TBCK: variants seen among roughly 807,000 people sequenced by gnomAD.
The protein encoded by TBCK is TBC1 domain containing kinase, also known as TBC domain-containing protein kinase-like protein.
In TBCK, 99 loss-of-function variants were observed where a neutral mutation model predicts 113.4. The observed-to-expected ratio is 0.87, with a 90% CI of 0.74 to 1.03. TBCK has a LOEUF of 1.03. TBCK is among the 50% of genes least tolerant of loss of function. The pLI is 0.00. For synonymous variants in TBCK, 369 were observed against 370.8 expected (o/e 1.00, Z 0.05); for missense variants, 1,045 against 1,061.3 (o/e 0.98, Z 0.21).
intron 19 of TBCK, among the ~76,000 whole-genome samples, chr4:106,227,852 T>A (rs567965836): frequency 6.6e-6 from 1 of 150,938 alleles, no homozygotes; most frequent in South Asian, 2.1e-4. Context: ...TAAAACAGTA[T>A]AAAATGTCAC....
intron 2 of TBCK, among the ~76,000 whole-genome samples, chr4:106,300,658 T>C (rs985134936): frequency 6.6e-6 from 1 of 152,230 alleles, no homozygotes; most frequent in Non-Finnish European, 1.5e-5. Flanking sequence ...AGCTAGAATA[T>C]AGAATCCAGT....
chr4:106,102,467 G>C (rs376208800), intron 24 of TBCK, among the ~76,000 whole-genome samples: 1 of 152,070 alleles, frequency 6.6e-6, no homozygotes, highest in Non-Finnish European at 1.5e-5. Context: ...GTTCTGAAGG[G>C]GGCTTGGTGG....
intron 23 of TBCK, among the ~76,000 whole-genome samples, chr4:106,131,348 C>T (rs1306294369): frequency 1.3e-5 from 2 of 152,358 alleles, no homozygotes; most frequent in African/African-American, 4.8e-5. Flanking sequence ...CGCCGTGGCT[C>T]ATGCCTGTAA....
At position 106,268,831 on chromosome 4, in the gene TBCK, A is replaced by G. The variant is rs989339079; in HGVS notation, c.267-6619T>C. On this transcript the variant is annotated intron_variant, in intron 3 of 25. Coordinates refer to ENST00000394708, the MANE Select transcript of TBCK (RefSeq NM_001163435.3). ...AGATGTTACTCAAATTGCAAGAAATAGGGGCCAGGAAAGAGAATGAGAGGT... is the reference window on the plus strand; with the variant it reads ...AGATGTTACTCAAATTGCAAGAAATGGGGGCCAGGAAAGAGAATGAGAGGT... Among the ~76,000 whole-genome samples the G allele has an allele frequency of 3.3e-5, 5 of 152,242 alleles. No individual in the cohort carries two copies. The East Asian group carries it at 9.6e-4, about 29-fold the overall frequency.
chr4:106,127,799 T>G (rs1377507591), intron 23 of TBCK, among the ~76,000 whole-genome samples: 1 of 152,182 alleles, frequency 6.6e-6, no homozygotes, highest in Non-Finnish European at 1.5e-5. Context: ...AGCACAATTT[T>G]TTTCCAAACA....
At chr4:106,304,436 T>C (rs1182071587) in intron 2 of TBCK, among the ~76,000 whole-genome samples, 2 of 152,140 alleles carry the variant, frequency 1.3e-5, no homozygotes, top group East Asian at 1.9e-4. Flanking sequence ...AGACAACAGA[T>C]TGTACAAACA....
At chr4:106,098,473 G>A (rs2149524686) in intron 24 of TBCK, among the ~76,000 whole-genome samples, 1 of 152,074 alleles carries the variant, frequency 6.6e-6, no homozygotes, top group East Asian at 1.9e-4. Context: ...TTTTGGTTAG[G>A]TTTTGGCAAA....
intron 25 of TBCK, among the ~76,000 whole-genome samples, chr4:106,090,894 A>G (rs1740145987): frequency 6.6e-6 from 1 of 152,172 alleles, no homozygotes; most frequent in African/African-American, 2.4e-5. Context: ...TAACTATTTA[A>G]TCAGTCTCTA....
At chr4:106,264,568 T>C (rs1018829710) in intron 3 of TBCK, among the ~76,000 whole-genome samples, 9 of 151,972 alleles carry the variant, frequency 5.9e-5, no homozygotes, top group South Asian at 4.1e-4. Flanking sequence ...TGGGAAGTGA[T>C]TGGCACATTG....
At chr4:106,085,208 T>C (rs1178366113) in intron 25 of TBCK, among the ~76,000 whole-genome samples, 1 of 152,094 alleles carries the variant, frequency 6.6e-6, no homozygotes, top group Non-Finnish European at 1.5e-5. Context: ...ACTCATTTTA[T>C]GTGCAGACAT....
intron 20 of TBCK, among the ~76,000 whole-genome samples, chr4:106,198,646 T>C (rs1470241242): frequency 6.6e-6 from 1 of 152,148 alleles, no homozygotes; most frequent in East Asian, 1.9e-4. Context: ...TTGTATTATA[T>C]ATAATCATGG....
At chr4:106,221,174 G>A (rs1245078965) in intron 19 of TBCK, among the ~76,000 whole-genome samples, 4 of 152,002 alleles carry the variant, frequency 2.6e-5, no homozygotes, top group East Asian at 1.9e-4. Flanking sequence ...TAGTAGAGAC[G>A]GGGTTTCACC....
chr4:106,312,032 A>G (rs1184211815), intron 1 of TBCK, among the ~76,000 whole-genome samples: 1 of 152,186 alleles, frequency 6.6e-6, no homozygotes, highest in Non-Finnish European at 1.5e-5. Context: ...CTTAGACACA[A>G]TAGAACAAAG....
At chr4:106,101,347 T>A (rs2149530307) in intron 24 of TBCK, among the ~76,000 whole-genome samples, 1 of 152,244 alleles carries the variant, frequency 6.6e-6, no homozygotes. Flanking sequence ...CAAAGCCCAC[T>A]CAAATATGGG....
chr4:106,139,269 G>A (rs1441746167), intron 23 of TBCK, among the ~76,000 whole-genome samples: 1 of 141,248 alleles, frequency 7.1e-6, no homozygotes, highest in Non-Finnish European at 1.6e-5. Context: ...TCACTGCTGT[G>A]CCAAATACAA....
At chr4:106,256,719 G>T (rs1451414465) in intron 5 of TBCK, among the ~76,000 whole-genome samples, 2 of 152,136 alleles carry the variant, frequency 1.3e-5, no homozygotes, top group African/African-American at 4.8e-5. Context: ...TCCGTGAAGT[G>T]ACAGCCCCAG....
intron 23 of TBCK, among the ~76,000 whole-genome samples, chr4:106,117,927 T>C (rs1560671499): frequency 6.6e-6 from 1 of 150,958 alleles, no homozygotes; most frequent in Non-Finnish European, 1.5e-5. Context: ...GAGAATGGCG[T>C]GAACCCGGGA....
In TBCK at chr4:106,095,620, T is replaced by C; in HGVS notation, c.2433A>G (p.Ser811=). 6.2e-7 allele frequency: 1 copy of C among 1,613,358 alleles called. No homozygotes were observed. The highest frequency in any genetic ancestry group is 8.5e-7 in the Non-Finnish European group (1 of 1,179,716). ...NSEDFIRGHI[S]GSINIPFSAA... Reference sequence around the variant, plus strand: ...CACTGAATGGAATGTTGATGCTTCCTGAAATGTGACCACGAATAAAGCTGA... The same window carrying C: ...CACTGAATGGAATGTTGATGCTTCCCGAAATGTGACCACGAATAAAGCTGA... The change falls in exon 25 of 26, where the codon TCA becomes TCG. Residue 811 remains serine (S), a synonymous_variant. Coordinates refer to ENST00000394708, the MANE Select transcript of TBCK (RefSeq NM_001163435.3).
At chr4:106,143,913 T>TAAAA (rs561608123) in intron 23 of TBCK, among the ~76,000 whole-genome samples, 1 of 114,506 alleles carries the variant, frequency 8.7e-6, no homozygotes, top group South Asian at 2.7e-4. Flanking sequence ...AAACTCTGTC[T>TAAAA]AAAAAAAAAA....
Sources: gnomAD v4.1 joint callset for allele counts (sites outside exome capture counted in the v4.1 genomes callset) on GRCh38, gnomAD v4.1.1 for gene constraint, MANE v1.5 for transcripts, NCBI Gene and HGNC (gene_info 2026-07-23, HGNC 2026-07-21) for gene names.